Variants in RPP30 observed in about 807,000 individuals in gnomAD.
RPP30 encodes ribonuclease P/MRP subunit p30.
Under a neutral mutation model 38.6 loss-of-function variants are expected in RPP30, and 36 were observed. That is an observed-to-expected ratio of 0.93 (90% CI 0.71 to 1.23). RPP30 has a LOEUF of 1.23. Ranked by LOEUF, RPP30 falls within the 50% of genes most tolerant of loss-of-function variation. The pLI, the probability that RPP30 is intolerant of heterozygous loss-of-function variation, is 0.00. For missense variants in RPP30, 321 were observed against 321.7 expected (o/e 1.00, Z 0.02); for synonymous variants, 126 against 112.7 (o/e 1.12, Z -0.75).
At chr10:90,884,102 A>G (rs548705994) in intron 5 of RPP30, among the ~76,000 whole-genome samples, 1 of 152,272 alleles carries the variant, frequency 6.6e-6, no homozygotes, top group African/African-American at 2.4e-5. Context: ...ATCATAATTG[A>G]AGTAAAATTG....
downstream of RPP30, chr10:90,903,203 C>T (rs1478141701): frequency 1.3e-6 from 2 of 1,596,688 alleles, no homozygotes; most frequent in East Asian, 4.5e-5. Context: ...AACTAGAATT[C>T]AACAAAGACA....
chr10:90,883,590 T>C, intron 5 of RPP30, among the ~76,000 whole-genome samples: 1 of 152,158 alleles, frequency 6.6e-6, no homozygotes, highest in East Asian at 1.9e-4. Flanking sequence ...CCCTTGTAAC[T>C]AAAAGTTTAT....
chr10:90,875,897 G>T (rs1846845595), intron 3 of RPP30, 127 bp from the exon 4 acceptor site: 3 of 639,436 alleles, frequency 4.7e-6, no homozygotes, highest in Non-Finnish European at 8.3e-6. Flanking sequence ...AGAGAACAAG[G>T]ACTGGGTTTT....
intron 1 of RPP30, among the ~76,000 whole-genome samples, chr10:90,873,823 G>C (rs1349209090): frequency 6.6e-6 from 1 of 150,486 alleles, no homozygotes; most frequent in African/African-American, 2.4e-5. Flanking sequence ...TTTTTTTTTT[G>C]TTTTTAAGGG....
At chr10:90,895,595 TAAC>T in intron 8 of RPP30, 112 bp downstream of exon 8, 2 of 644,654 alleles carry the variant, frequency 3.1e-6, no homozygotes. Flanking sequence ...TTTTCTATTT[TAAC>T]TGCATTTGCT....
downstream of RPP30, chr10:90,903,240 A>G (rs745426793): frequency 5.6e-6 from 9 of 1,610,854 alleles, no homozygotes; most frequent in South Asian, 5.5e-5. Context: ...CAGAGAGATC[A>G]TACTCCCAAG....
At chr10:90,875,952 C>A in intron 3 of RPP30, 72 bp from the exon 4 acceptor site, 1 of 882,310 alleles carries the variant, frequency 1.1e-6, no homozygotes, top group Non-Finnish European at 1.9e-6. Flanking sequence ...TTAATGAATA[C>A]TTTCCACTGG....
At chr10:90,899,872 C>A (rs1171389197) in intron 10 of RPP30, among the ~76,000 whole-genome samples, 3 of 152,150 alleles carry the variant, frequency 2.0e-5, no homozygotes, top group East Asian at 1.9e-4. Context: ...AATCTTAATA[C>A]CCTCTGTATG....
At chr10:90,877,972 C>T (rs1846873575) in intron 4 of RPP30, among the ~76,000 whole-genome samples, 1 of 152,206 alleles carries the variant, frequency 6.6e-6, no homozygotes, top group African/African-American at 2.4e-5. Flanking sequence ...ATAACAGTTA[C>T]TATTGCTAAA....
chr10:90,883,960 C>G (rs1244728596), intron 5 of RPP30, among the ~76,000 whole-genome samples: 1 of 152,120 alleles, frequency 6.6e-6, no homozygotes, highest in African/African-American at 2.4e-5. Context: ...TCCCCTTTCT[C>G]CCTTCCTCTT....
chr10:90,881,296 G>T (rs953590279), intron 5 of RPP30, among the ~76,000 whole-genome samples: 2 of 152,174 alleles, frequency 1.3e-5, no homozygotes, highest in African/African-American at 4.8e-5. Flanking sequence ...GGAGAAAACT[G>T]AGATTCAGGC....
chr10:90,879,656 C>G (rs879734603), intron 5 of RPP30, among the ~76,000 whole-genome samples: 5 of 152,188 alleles, frequency 3.3e-5, no homozygotes, highest in Admixed American at 3.3e-4. Flanking sequence ...AGTATAATCC[C>G]TCTTCTTATC....
downstream of RPP30, chr10:90,903,198 G>A (rs1847221748): frequency 6.3e-7 from 1 of 1,586,070 alleles, no homozygotes; most frequent in African/African-American, 1.3e-5. Context: ...AAAGGAACTA[G>A]AATTCAACAA....
At chr10:90,872,902 G>A (rs1286080673) in intron 1 of RPP30, among the ~76,000 whole-genome samples, 1 of 152,128 alleles carries the variant, frequency 6.6e-6, no homozygotes, top group African/African-American at 2.4e-5. Flanking sequence ...CCTTTCCACT[G>A]CTGCCACTAA....
At chr10:90,891,808 T>TA (rs1337267704) in intron 6 of RPP30, among the ~76,000 whole-genome samples, 1 of 152,146 alleles carries the variant, frequency 6.6e-6, no homozygotes, top group East Asian at 1.9e-4. Flanking sequence ...TAAAAGTGAT[T>TA]ATTGGAGGAA....
chr10:90,874,817 A>G (rs1846829623), intron 1 of RPP30, 52 bp from the exon 2 acceptor site: 3 of 1,266,788 alleles, frequency 2.4e-6, no homozygotes, highest in Non-Finnish European at 3.4e-6. Flanking sequence ...CCTGTGTTAC[A>G]GGAAGGAGAG....
intron 4 of RPP30, among the ~76,000 whole-genome samples, chr10:90,878,822 G>A (rs747537316): frequency 6.6e-6 from 1 of 152,200 alleles, no homozygotes; most frequent in Non-Finnish European, 1.5e-5. Flanking sequence ...CAGACACAAT[G>A]TTTGGTACAT....
chr10:90,898,531 C>T (rs545318047), intron 10 of RPP30, among the ~76,000 whole-genome samples: 5 of 152,226 alleles, frequency 3.3e-5, no homozygotes, highest in Non-Finnish European at 5.9e-5. Context: ...AAATCTCAGC[C>T]GGCATCTGTA....
chr10:90,892,189 C>T (rs1004725670), intron 6 of RPP30, among the ~76,000 whole-genome samples: 3 of 152,114 alleles, frequency 2.0e-5, no homozygotes, highest in Non-Finnish European at 1.5e-5. Flanking sequence ...AGAACAAAAG[C>T]TAATCAGGCA....
Sources: gnomAD v4.1 joint callset for allele counts (sites outside exome capture counted in the v4.1 genomes callset) on GRCh38, gnomAD v4.1.1 for gene constraint, MANE v1.5 for transcripts, NCBI Gene and HGNC (gene_info 2026-07-23, HGNC 2026-07-21) for gene names.